Variants in ASIC2 observed in about 807,000 individuals in gnomAD.
ASIC2 encodes the protein acid-sensing ion channel 2.
ASIC2 carries 25 observed loss-of-function variants against 57.3 expected under a neutral mutation model. That is an observed-to-expected ratio of 0.44 (90% CI 0.32 to 0.61). ASIC2 has a LOEUF of 0.61. Among genes scored for constraint, ASIC2 ranks in the 20% least tolerant of loss-of-function variants. ASIC2 has a pLI of 0.06. For missense variants in ASIC2, 641 were observed against 738.1 expected, an observed-to-expected ratio of 0.87 and a Z score of 1.52; for synonymous variants, 319 against 307.5, an observed-to-expected ratio of 1.04 and a Z score of -0.39.
intron 1 of ASIC2, among the ~76,000 whole-genome samples, chr17:33,637,782 C>T (rs768341494): frequency 4.6e-5 from 7 of 152,134 alleles, no homozygotes; most frequent in South Asian, 2.1e-4. Flanking sequence ...TCACTGAGCC[C>T]GTGGTATTAC....
chr17:33,714,920 C>A (rs1909165015), intron 1 of ASIC2, among the ~76,000 whole-genome samples: 1 of 150,822 alleles, frequency 6.6e-6, no homozygotes. Flanking sequence ...TGGCCTCCAG[C>A]AATCCTCCCA....
At chr17:34,146,928 C>G (rs778348012) in intron 1 of ASIC2, 2 of 152,230 alleles carry the variant, frequency 1.3e-5, no homozygotes, top group Non-Finnish European at 2.9e-5. Flanking sequence ...GGCTCCTGAA[C>G]AGGATTTTGA....
In ASIC2 at chr17:33,664,828, G is replaced by A. The variant is rs149597708; in HGVS notation, c.555+491150C>T. 2.2e-4 allele frequency among the ~76,000 whole-genome samples: 33 copies of A among 152,240 alleles called. No individual in the cohort carries two copies. In the East Asian group the frequency reaches 4.8e-3, roughly 22 times the overall value. The stretch of plus-strand genomic sequence containing the variant: ...AGACAAGTGGCTTCAAAAGATTCCC[G>A]CAAGAAACCGTGAGCTGAAAATGAT... On this transcript the variant is annotated intron_variant, in intron 1 of 9. Coordinates refer to the ASIC2 transcript ENST00000359872.
chr17:34,099,782 GAAAGAAAGAAAGAAAGAAAGAA>G (rs1434911681), intron 1 of ASIC2, among the ~76,000 whole-genome samples: 1 of 48,276 alleles, frequency 2.1e-5, no homozygotes, highest in Admixed American at 2.0e-4. Flanking sequence ...AAGAAAGAAA[GAAAGAAAGAAAGAAAGAAAGAA>G]AAGAGAATCT....
intron 1 of ASIC2, chr17:33,634,662 C>T (rs1179888266): frequency 6.6e-6 from 1 of 151,342 alleles, no homozygotes; most frequent in African/African-American, 2.4e-5. Context: ...ACTACAGGCG[C>T]CCAACACCAC....
At chr17:34,033,972 A>G (rs1464634667) in intron 1 of ASIC2, among the ~76,000 whole-genome samples, 2 of 152,356 alleles carry the variant, frequency 1.3e-5, no homozygotes, top group African/African-American at 4.8e-5. Context: ...AATTATTCCA[A>G]TCAATAGTAA....
intron 3 of ASIC2, among the ~76,000 whole-genome samples, chr17:33,068,797 G>A (rs190182291): frequency 6.6e-6 from 1 of 151,888 alleles, no homozygotes; most frequent in Non-Finnish European, 1.5e-5. Flanking sequence ...AAATCTTTTG[G>A]CCTCCTTGTT....
rs559367844 is a variant in ASIC2 at position 33,429,494 on chromosome 17, C to G, written c.556-317427G>C. Among the ~76,000 whole-genome samples the G allele has an allele frequency of 1.1e-4, 16 of 152,102 alleles. No individual in the cohort carries two copies. The East Asian group carries it at 2.9e-3, about 28-fold the overall frequency. On this transcript the variant is annotated intron_variant, in intron 1 of 9. Transcript: ENST00000359872. ...CAAGCTCCATCTCCTGGGTTCACGC[C>G]ATTCTCCTGCCTCAGCCTCCCGAGT...
At chr17:33,691,663 G>A (rs753204233) in intron 1 of ASIC2, among the ~76,000 whole-genome samples, 10 of 151,980 alleles carry the variant, frequency 6.6e-5, no homozygotes, top group South Asian at 2.1e-4. Context: ...TGATTTTAAA[G>A]CATGACTTTG....
chr17:34,040,791 A>G (rs1908101679), intron 1 of ASIC2, among the ~76,000 whole-genome samples: 1 of 152,192 alleles, frequency 6.6e-6, no homozygotes, highest in Non-Finnish European at 1.5e-5. Flanking sequence ...TACTGAAGCA[A>G]TAGTTAAGTT....
intron 1 of ASIC2, among the ~76,000 whole-genome samples, chr17:33,649,123 C>T (rs1175705801): frequency 3.9e-5 from 6 of 152,074 alleles, no homozygotes; most frequent in African/African-American, 1.4e-4. Flanking sequence ...TTAAACTAAC[C>T]CTATTTGAAA....
At chr17:33,991,998 A>G (rs1906013971) in intron 1 of ASIC2, among the ~76,000 whole-genome samples, 1 of 152,190 alleles carries the variant, frequency 6.6e-6, no homozygotes. Context: ...CCAGTAGCAG[A>G]GTAGTAACAC....
chr17:33,246,182 T>C (rs1269652116), intron 1 of ASIC2, among the ~76,000 whole-genome samples: 1 of 151,686 alleles, frequency 6.6e-6, no homozygotes, highest in Non-Finnish European at 1.5e-5. Flanking sequence ...AGAATAGATA[T>C]TGATGGTGGA....
intron 1 of ASIC2, among the ~76,000 whole-genome samples, chr17:34,097,575 A>T (rs1282661991): frequency 6.6e-6 from 1 of 152,180 alleles, no homozygotes; most frequent in Non-Finnish European, 1.5e-5. Flanking sequence ...TGTTCTTGTG[A>T]GAGAGAAAAA....
chr17:33,127,121 G>A (rs1256309253), intron 1 of ASIC2, among the ~76,000 whole-genome samples: 2 of 148,950 alleles, frequency 1.3e-5, no homozygotes, highest in South Asian at 2.2e-4. Context: ...CACCCGCCTC[G>A]GCCTCCCAAA....
chr17:33,192,901 T>A (rs1054811220), intron 1 of ASIC2, among the ~76,000 whole-genome samples: 2 of 152,202 alleles, frequency 1.3e-5, no homozygotes, highest in African/African-American at 4.8e-5. Flanking sequence ...ATATAGCTAT[T>A]TTTGGATTGA....
intron 1 of ASIC2, among the ~76,000 whole-genome samples, chr17:33,207,210 G>A (rs1417463259): frequency 6.6e-6 from 1 of 152,212 alleles, no homozygotes; most frequent in African/African-American, 2.4e-5. Context: ...AGGACGGACG[G>A]AAGTGGTGAA....
chr17:33,428,510 C>T (rs1218415108), intron 1 of ASIC2, among the ~76,000 whole-genome samples: 1 of 151,936 alleles, frequency 6.6e-6, no homozygotes, highest in Non-Finnish European at 1.5e-5. Context: ...TGGATCAGAG[C>T]CCAGGGTCAC....
At chr17:34,141,182 T>G (rs950680855) in intron 1 of ASIC2, among the ~76,000 whole-genome samples, 1 of 149,802 alleles carries the variant, frequency 6.7e-6, no homozygotes, top group Admixed American at 6.6e-5. Flanking sequence ...ATCCAGTACA[T>G]GAAAATCAAG....
Sources: allele counts gnomAD v4.1 joint callset (sites outside exome capture counted in the v4.1 genomes callset), GRCh38; gene constraint gnomAD v4.1.1; transcripts MANE v1.5; gene names NCBI Gene and HGNC (gene_info 2026-07-23, HGNC 2026-07-21).